Variants in RNF212 observed in about 807,000 individuals in gnomAD.
The protein encoded by RNF212 is ring finger protein 212, also known as probable E3 SUMO-protein ligase RNF212.
In RNF212, 33 loss-of-function variants were observed where a neutral mutation model predicts 34.7. That is an observed-to-expected ratio of 0.95 (90% confidence interval 0.72 to 1.27). The LOEUF is 1.27. Among genes scored for constraint, RNF212 ranks in the 50% most tolerant of loss-of-function variants. The pLI is 0.00. For missense variants in RNF212, 377 were observed against 362.2 expected, an observed-to-expected ratio of 1.04 and a Z score of -0.33; for synonymous variants, 140 against 136.1, an observed-to-expected ratio of 1.03 and a Z score of -0.20.
chr4:1,090,841 G>C lies in RNF212; in HGVS notation c.247-3C>G. 1.3e-6 allele frequency: 2 copies of C among 1,580,266 alleles called. No homozygotes were observed. Among genetic ancestry groups the C allele is most frequent in the Non-Finnish European group, 1.7e-6 (2 of 1,150,256 alleles). On this transcript the variant is annotated splice_region_variant and splice_polypyrimidine_tract_variant and intron_variant, in intron 3 of 9. Coordinates refer to ENST00000433731, the MANE Select transcript of RNF212 (RefSeq NM_001131034.4). Reference sequence around the variant, plus strand: ...TGTTTTTCTTGAAATTCTAAAATCTGAAAAGATCATAGGTTTCAGCTGCTG... The same window carrying C: ...TGTTTTTCTTGAAATTCTAAAATCTCAAAAGATCATAGGTTTCAGCTGCTG...
chr4:1,065,287 A>G (rs2153033547), intron 3 of RNF212, among the ~76,000 whole-genome samples: 1 of 152,372 alleles, frequency 6.6e-6, no homozygotes, highest in South Asian at 2.1e-4. Flanking sequence ...CGTCCTTAAC[A>G]ACACTTGTTA....
chr4:1,102,537 G>A (rs943279886), intron 2 of RNF212, among the ~76,000 whole-genome samples: 1 of 151,970 alleles, frequency 6.6e-6, no homozygotes, highest in South Asian at 2.1e-4. Context: ...CTGGCTAACA[G>A]GGTGAAACAC....
At position 1,083,016 on chromosome 4, in the gene RNF212, C is replaced by T. The variant is rs544746928; in HGVS notation, c.363-1397G>A. ...ACAGTGAGGCCGGGCAAGACGGGGT[C>T]GGGGGCGCAGCGGTCTGGGGCGGGT... On this transcript the variant is annotated intron_variant, in intron 5 of 9. Transcript: ENST00000433731. Among the ~76,000 whole-genome samples the T allele has an allele frequency of 9.9e-5, 15 of 152,130 alleles. No individual in the cohort carries two copies. In the South Asian group the frequency reaches 1.0e-3, roughly 11 times the overall value.
At chr4:1,094,398 G>C (rs1459076707) in intron 3 of RNF212, among the ~76,000 whole-genome samples, 1 of 152,204 alleles carries the variant, frequency 6.6e-6, no homozygotes, top group East Asian at 1.9e-4. Flanking sequence ...ACCTGCGTCA[G>C]AAGCTGGGGG....
chr4:1,060,330 G>A (rs1159079093), intron 3 of RNF212, among the ~76,000 whole-genome samples: 1 of 152,156 alleles, frequency 6.6e-6, no homozygotes, highest in Non-Finnish European at 1.5e-5. Context: ...AGAATCCTGA[G>A]GAGTCCTTCA....
Position 1,072,669 on chromosome 4 carries a change from A to AAT in RNF212, c.*203_*204dup. 8.3e-7 allele frequency: 1 copy of AAT among 1,208,678 alleles called. No homozygotes were observed. Among genetic ancestry groups the AAT allele is most frequent in the Non-Finnish European group, 1.1e-6 (1 of 934,114 alleles). The allele number at this position is 1,208,678 out of a possible 1,614,324, so 74.9% of individuals were successfully genotyped here. A position where few individuals can be genotyped will look rare whatever the true frequency, so the allele number is the denominator to read the frequency against. On this transcript the variant is annotated 3_prime_UTR_variant, in exon 10 of 10. Coordinates refer to ENST00000433731, the MANE Select transcript of RNF212 (RefSeq NM_001131034.4). ...CCTATAAAATAAAAGGGATAATAACAATATATATGAGTACATAAAAATATT... is the reference window on the plus strand; with the variant it reads ...CCTATAAAATAAAAGGGATAATAACAATATATATATGAGTACATAAAAATATT...
At chr4:1,075,838 T>C (rs539991292) in intron 8 of RNF212, among the ~76,000 whole-genome samples, 1 of 152,216 alleles carries the variant, frequency 6.6e-6, no homozygotes, top group Admixed American at 6.5e-5. Flanking sequence ...GCCCAGCTAA[T>C]TTTTTGTAGA....
chr4:1,079,003 A>G lies in RNF212; in HGVS notation c.510+640T>C, dbSNP rs891257813. Among the ~76,000 whole-genome samples, 73 of 104,012 alleles carry G rather than the reference A, an allele frequency of 7.0e-4. 1 individual carries two copies. Among genetic ancestry groups the G allele is most frequent in the African/African-American group, 3.8e-3 (52 of 13,790 alleles). The allele number at this position is 104,012 out of a possible 152,430, so 68.2% of individuals were successfully genotyped here. On this transcript the variant is annotated intron_variant, in intron 8 of 9. Coordinates refer to ENST00000433731, the MANE Select transcript of RNF212 (RefSeq NM_001131034.4). Reference sequence around the variant, plus strand: ...AGGGTCAACACAGGACCAACATAGGACCAACACAGGGTCAACACAGGACCA... The same window carrying G: ...AGGGTCAACACAGGACCAACATAGGGCCAACACAGGGTCAACACAGGACCA...
chr4:1,090,057 T>TG (rs1199797245), intron 4 of RNF212, among the ~76,000 whole-genome samples: 2 of 139,186 alleles, frequency 1.4e-5, no homozygotes, highest in African/African-American at 5.6e-5. Flanking sequence ...GACAGGGTGG[T>TG]GGTAGCAAGA....
chr4:1,069,034 T>C (rs1281336377), downstream of RNF212, among the ~76,000 whole-genome samples: 1 of 151,996 alleles, frequency 6.6e-6, no homozygotes, highest in Non-Finnish European at 1.5e-5. Flanking sequence ...ATGGCGAAAC[T>C]CCATCTCTAC....
intron 2 of RNF212, among the ~76,000 whole-genome samples, chr4:1,097,530 A>G (rs1299294377): frequency 4.6e-5 from 7 of 151,976 alleles, no homozygotes; most frequent in Admixed American, 1.3e-4. Context: ...GCATGAACCC[A>G]GGAGGCAGAG....
intron 2 of RNF212, among the ~76,000 whole-genome samples, chr4:1,103,805 C>A (rs1724399517): frequency 6.6e-6 from 1 of 152,160 alleles, no homozygotes; most frequent in Admixed American, 6.5e-5. Flanking sequence ...GGAAGCTTGA[C>A]CCTGAAATTA....
At chr4:1,086,118 T>C (rs1265478324) in intron 4 of RNF212, among the ~76,000 whole-genome samples, 164 bp from the exon 5 acceptor site, 1 of 152,184 alleles carries the variant, frequency 6.6e-6, no homozygotes, top group Non-Finnish European at 1.5e-5. Flanking sequence ...CATCAGACAC[T>C]TAGGAAATCG....
chr4:1,102,924 G>A (rs1207625475), intron 2 of RNF212, among the ~76,000 whole-genome samples: 2 of 151,366 alleles, frequency 1.3e-5, no homozygotes, highest in Non-Finnish European at 1.5e-5. Flanking sequence ...GGTGGATCAC[G>A]AGGTCAGGAG....
rs868527315 is a variant in RNF212, at chr4:1,108,372, G to A, written c.142C>T (p.Pro48Ser). Residue 48 changes from proline (P) to serine (S), a missense_variant, in exon 2 of 10, where the codon CCT becomes TCT. By Grantham distance (74) the Pro-to-Ser change is moderately conservative. Coordinates refer to ENST00000433731, the MANE Select transcript of RNF212 (RefSeq NM_001131034.4). ...TTTGAAAGCAAAACTGTACGACAAGGAGCTTTACAAATCAAGCATTCATTC... is the reference window on the plus strand; with the variant it reads ...TTTGAAAGCAAAACTGTACGACAAGAAGCTTTACAAATCAAGCATTCATTC... ...KKNECLICKA[P>S]CRTVLLSKHT... 1 of 1,507,068 alleles carries A rather than the reference G, an allele frequency of 6.6e-7. No individual in the cohort carries two copies. Among genetic ancestry groups the A allele is most frequent in the Non-Finnish European group, 8.8e-7 (1 of 1,137,220 alleles). The allele number at this position is 1,507,068 out of a possible 1,614,324, so 93.4% of individuals were successfully genotyped here.
rs1718615482 is a variant in RNF212 at position 1,072,516 on chromosome 4, G to C, written c.*358C>G. ...GCGTGTGTGGAGTCATGGTGTATAT[G>C]GGAAATCTGTACCTTCCTTTCAATT... On this transcript the variant is annotated 3_prime_UTR_variant, in exon 10 of 10. Coordinates refer to ENST00000433731, the MANE Select transcript of RNF212 (RefSeq NM_001131034.4). 3.6e-6 allele frequency: 1 copy of C among 275,866 alleles called. No homozygotes were observed. The highest frequency in any genetic ancestry group is 6.3e-5 in the South Asian group (1 of 15,892). The allele number at this position is 275,866 out of a possible 1,614,324, so 17.1% of individuals were successfully genotyped here. A position where few individuals can be genotyped will look rare whatever the true frequency, so the allele number is the denominator to read the frequency against.
chr4:1,092,051 G>C (rs1722268109), intron 3 of RNF212, among the ~76,000 whole-genome samples: 1 of 152,194 alleles, frequency 6.6e-6, no homozygotes, highest in Non-Finnish European at 1.5e-5. Flanking sequence ...ACCTGCACAC[G>C]CCCCTCAAAG....
intron 1 of RNF212, among the ~76,000 whole-genome samples, chr4:1,112,093 G>A (rs1375941989): frequency 2.0e-5 from 3 of 152,170 alleles, no homozygotes; most frequent in Admixed American, 6.5e-5. Context: ...CTGTAGCCCC[G>A]CTACCCTGGA....
intron 3 of RNF212, among the ~76,000 whole-genome samples, chr4:1,059,058 A>C (rs1249976529): frequency 6.6e-6 from 1 of 152,230 alleles, no homozygotes; most frequent in African/African-American, 2.4e-5. Flanking sequence ...CCTGGACCCC[A>C]GGATGGGAAA....
Sources: allele counts gnomAD v4.1 joint callset (sites outside exome capture counted in the v4.1 genomes callset), GRCh38; gene constraint gnomAD v4.1.1; transcripts MANE v1.5; gene names NCBI Gene and HGNC (gene_info 2026-07-23, HGNC 2026-07-21).